Variants in HS1BP3 observed in about 807,000 individuals in gnomAD.
HS1BP3 encodes the protein HCLS1 binding protein 3.
A neutral mutation model predicts 33.5 loss-of-function variants in HS1BP3; 32 were observed. The ratio of observed to expected loss-of-function variants is 0.95; its 90% CI spans 0.72 to 1.28. HS1BP3 has a LOEUF of 1.28. Among genes scored for constraint, HS1BP3 ranks in the 50% most tolerant of loss-of-function variants. The pLI is 0.00. For missense variants in HS1BP3, 486 were observed against 502.3 expected (o/e 0.97, Z 0.31); for synonymous variants, 187 against 209.2 (o/e 0.89, Z 0.92).
intron 1 of HS1BP3, among the ~76,000 whole-genome samples, chr2:20,648,607 C>A (rs986865042): frequency 6.6e-6 from 1 of 152,188 alleles, no homozygotes; most frequent in African/African-American, 2.4e-5. Flanking sequence ...TTGATAGCAT[C>A]CAGAGCACCC....
Position 20,624,871 on chromosome 2 carries a change from A to C in HS1BP3, c.645T>G (p.His215Gln), listed in dbSNP as rs1694726305. The change falls in exon 5 of 7, where the codon CAT becomes CAG. Residue 215 changes from histidine to glutamine, a missense_variant. Coordinates refer to ENST00000304031, the MANE Select transcript of HS1BP3 (RefSeq NM_022460.4). Reference protein sequence around the residue: ...GIMRSKKPKKHPKVAVKAKPS... With the variant: ...GIMRSKKPKKQPKVAVKAKPS... ...GCTTGGCTTTCACGGCCACTTTGGG[A>C]TGTTTCTTGGGCTTCTTGGAGCTGG... is the stretch of plus-strand genomic sequence containing the variant. 1 of 1,613,608 alleles carries C rather than the reference A, an allele frequency of 6.2e-7. No individual in the cohort carries two copies. The highest frequency in any genetic ancestry group is 1.1e-5 in the South Asian group (1 of 91,064).
Position 20,623,885 on chromosome 2 carries a change from A to C in HS1BP3, c.920+11T>G, listed in dbSNP as rs1448005457. Reference sequence around the variant, plus strand: ...CAGAGCTGGCCAAGCGCCGCTGGGGACAGGTGGTACCTGAACAGTTCCTTG... The same window carrying C: ...CAGAGCTGGCCAAGCGCCGCTGGGGCCAGGTGGTACCTGAACAGTTCCTTG... On this transcript the variant is annotated intron_variant, in intron 6 of 6. Coordinates refer to ENST00000304031, the MANE Select transcript of HS1BP3 (RefSeq NM_022460.4). The C allele has an allele frequency of 1.2e-6, 2 of 1,609,592 alleles. No homozygotes were observed.
chr2:20,570,493 G>A lies in HS1BP3; in HGVS notation c.303-9978C>T, dbSNP rs184731298. Among the ~76,000 whole-genome samples, 500 of 152,272 alleles carry A rather than the reference G, an allele frequency of 3.3e-3. 1 individual carries two copies. Among genetic ancestry groups the A allele is most frequent in the Non-Finnish European group, 5.0e-3 (343 of 68,028 alleles). On this transcript the variant is annotated intron_variant, in intron 5 of 5. Transcript: ENST00000446825. ...GCCGGGCTCATTGGTACTCGATGTC[G>A]CCTGGCAGCTGAACTTGGTCATGGG...
chr2:20,560,859 T>G (rs550225863), intron 5 of HS1BP3, among the ~76,000 whole-genome samples: 6 of 152,108 alleles, frequency 3.9e-5, no homozygotes, highest in African/African-American at 1.4e-4. Flanking sequence ...GACGCCTCCC[T>G]GGGGACTGTG....
At chr2:20,643,350 T>C (rs1429676148) in intron 2 of HS1BP3, among the ~76,000 whole-genome samples, 2 of 152,168 alleles carry the variant, frequency 1.3e-5, no homozygotes, top group African/African-American at 2.4e-5. Flanking sequence ...CTTCCCAGAA[T>C]GCTCCCTCCT....
chr2:20,558,082 A>G (rs16987830), downstream of HS1BP3, among the ~76,000 whole-genome samples: 210 of 152,324 alleles, frequency 1.4e-3, 5 homozygotes, highest in East Asian at 0.036. Context: ...GACATTGTTC[A>G]CTGCGTCTGT....
At chr2:20,624,424 T>C (rs1694704684) in intron 5 of HS1BP3, among the ~76,000 whole-genome samples, 1 of 152,178 alleles carries the variant, frequency 6.6e-6, no homozygotes, top group Non-Finnish European at 1.5e-5. Context: ...GTTTTCCCTC[T>C]GCCAACTCTG....
intron 4 of HS1BP3, chr2:20,637,979 G>A (rs532215129): frequency 1.3e-5 from 3 of 223,096 alleles, no homozygotes; most frequent in African/African-American, 4.5e-5. Context: ...GGCCAGAGAT[G>A]TATGGCTGGT....
chr2:20,635,737 G>C (rs1695104427), intron 4 of HS1BP3: 1 of 152,250 alleles, frequency 6.6e-6, no homozygotes. Flanking sequence ...CGGTTGCATG[G>C]ATGCTGCTGG....
intron 3 of HS1BP3, among the ~76,000 whole-genome samples, chr2:20,596,830 C>T (rs1202349115): frequency 2.0e-5 from 3 of 152,156 alleles, no homozygotes; most frequent in African/African-American, 7.2e-5. Context: ...CCTTCAGGGC[C>T]TGGTGTTTTT....
chr2:20,555,429 G>A, the HS1BP3 span, among the ~76,000 whole-genome samples: 4 of 152,150 alleles, frequency 2.6e-5, no homozygotes, highest in African/African-American at 9.7e-5. Context: ...TCCAATATGT[G>A]GCCCTTCTCA....
At chr2:20,578,413 G>C (rs1693453074) in intron 5 of HS1BP3, among the ~76,000 whole-genome samples, 1 of 152,202 alleles carries the variant, frequency 6.6e-6, no homozygotes, top group Non-Finnish European at 1.5e-5. Flanking sequence ...TGCTCACCAT[G>C]GTAACCAACC....
intron 5 of HS1BP3, among the ~76,000 whole-genome samples, chr2:20,566,861 C>T (rs186546289): frequency 3.8e-4 from 58 of 152,276 alleles, no homozygotes; most frequent in African/African-American, 1.4e-3. Context: ...CCTGCCTCAG[C>T]CTCCCAAAGT....
downstream of HS1BP3, among the ~76,000 whole-genome samples, chr2:20,559,643 G>C (rs1692933583): frequency 6.8e-6 from 1 of 147,890 alleles, no homozygotes; most frequent in South Asian, 2.1e-4. Flanking sequence ...TAGGTAGATG[G>C]ATGGATGGAT....
Position 20,641,106 on chromosome 2 carries a change from G to T in HS1BP3, c.273C>A (p.Pro91=), listed in dbSNP as rs1185375800. The T allele has an allele frequency of 1.2e-6, 2 of 1,613,540 alleles. No homozygotes were observed. The highest frequency in any genetic ancestry group is 1.7e-6 in the Non-Finnish European group (2 of 1,180,032). Reference sequence around the variant, plus strand: ...CAAACAGGACCTTCCTGGGTAGTGGGGGGAGGCTGGCTGCTGCATAACGAC... The same window carrying T: ...CAAACAGGACCTTCCTGGGTAGTGGTGGGAGGCTGGCTGCTGCATAACGAC... ...LSSRYAAASL[P]PLPRKVLFVG... Residue 91 remains proline, a synonymous_variant, in exon 3 of 7, where the codon CCC becomes CCA. Coordinates refer to ENST00000304031, the MANE Select transcript of HS1BP3 (RefSeq NM_022460.4).
intron 5 of HS1BP3, among the ~76,000 whole-genome samples, chr2:20,570,652 C>T (rs1260311390): frequency 1.3e-5 from 2 of 152,212 alleles, no homozygotes; most frequent in Admixed American, 1.3e-4. Flanking sequence ...CCCAGGCTGA[C>T]AGAGCAAGAG....
chr2:20,617,050 G>A (rs1306441309), downstream of HS1BP3, among the ~76,000 whole-genome samples: 1 of 152,160 alleles, frequency 6.6e-6, no homozygotes, highest in Non-Finnish European at 1.5e-5. Context: ...CCCAAGCAGA[G>A]CACCAGCCCC....
downstream of HS1BP3, among the ~76,000 whole-genome samples, chr2:20,592,214 T>C (rs1031620137): frequency 2.0e-5 from 3 of 152,092 alleles, no homozygotes; most frequent in Non-Finnish European, 4.4e-5. Flanking sequence ...AATCCCAGCT[T>C]TTTGGGAGGC....
At chr2:20,641,364 G>T (rs111503880) in intron 2 of HS1BP3, among the ~76,000 whole-genome samples, 184 bp from the exon 3 acceptor site, 66 of 152,282 alleles carry the variant, frequency 4.3e-4, no homozygotes, top group African/African-American at 1.5e-3. Flanking sequence ...GCCGATAGCA[G>T]ATTCAATAAA....
Sources: gnomAD v4.1 joint callset for allele counts (sites outside exome capture counted in the v4.1 genomes callset) on GRCh38, gnomAD v4.1.1 for gene constraint, MANE v1.5 for transcripts, NCBI Gene and HGNC (gene_info 2026-07-23, HGNC 2026-07-21) for gene names.